The following MORC1 variants were observed in gnomAD, a reference collection of about 807,000 sequenced individuals.
The protein encoded by MORC1 is MORC family CW-type zinc finger protein 1.
In MORC1, 59 loss-of-function variants were observed where a neutral mutation model predicts 134.9. The observed-to-expected ratio is 0.44, with a 90% CI of 0.35 to 0.54. MORC1 has a LOEUF of 0.54. Ranked by LOEUF, MORC1 falls within the 20% of genes least tolerant of loss-of-function variation. The pLI, the probability that MORC1 is intolerant of heterozygous loss-of-function variation, is 0.00. For synonymous variants in MORC1, 395 were observed against 391.7 expected, an observed-to-expected ratio of 1.01 and a Z score of -0.10; for missense variants, 947 against 1,134.5, an observed-to-expected ratio of 0.83 and a Z score of 2.37.
chr3:109,059,967 A>G, intron 11 of MORC1, 97 bp from the exon 12 acceptor site: 1 of 918,906 alleles, frequency 1.1e-6, no homozygotes, highest in South Asian at 1.6e-5. Flanking sequence ...CAAGGGTAAC[A>G]ATAGCTCACA....
intron 17 of MORC1, among the ~76,000 whole-genome samples, chr3:109,020,600 A>T (rs1302667398): frequency 2.6e-5 from 4 of 152,072 alleles, no homozygotes; most frequent in African/African-American, 9.7e-5. Context: ...CCCCGTCTCT[A>T]CTAAAAATAC....
chr3:109,002,086 A>C lies in MORC1; in HGVS notation c.2086-1428T>G, dbSNP rs529429772. Among the ~76,000 whole-genome samples the C allele has an allele frequency of 7.2e-5, 11 of 152,218 alleles. 1 individual carries two copies. The East Asian group carries it at 2.1e-3, about 29-fold the overall frequency. On this transcript the variant is annotated intron_variant, in intron 20 of 27. Transcript: ENST00000232603. ...CATCACCATCATCCTAGCCTACACC[A>C]CTGTGATCTCTCCATCAGAGCATGG...
At chr3:109,004,697 A>G in intron 20 of MORC1, 120 bp downstream of exon 20, 2 of 934,490 alleles carry the variant, frequency 2.1e-6, no homozygotes, top group Non-Finnish European at 3.3e-6. Flanking sequence ...CAGGGTAACA[A>G]TATGTATGAT....
chr3:109,096,782 T>C (rs1483773887), intron 6 of MORC1, among the ~76,000 whole-genome samples: 1 of 152,172 alleles, frequency 6.6e-6, no homozygotes, highest in Non-Finnish European at 1.5e-5. Context: ...AATTCCTTCT[T>C]GCACAAGGTC....
At chr3:109,040,485 AAAGG>A (rs762563463) in intron 14 of MORC1, among the ~76,000 whole-genome samples, 2 of 114,526 alleles carry the variant, frequency 1.7e-5, no homozygotes, top group African/African-American at 6.2e-5. Context: ...AGAAAGAAAG[AAAGG>A]AAAGAAAAGA....
chr3:109,026,941 T>G (rs1949090087), intron 17 of MORC1, among the ~76,000 whole-genome samples: 1 of 152,230 alleles, frequency 6.6e-6, no homozygotes, highest in Admixed American at 6.5e-5. Flanking sequence ...CCTAGCAAGC[T>G]AAGTGAGGTA....
intron 21 of MORC1, among the ~76,000 whole-genome samples, chr3:108,993,157 A>T (rs115794961): frequency 8.0e-4 from 122 of 152,272 alleles, no homozygotes; most frequent in African/African-American, 2.8e-3. Flanking sequence ...ATACTACCTC[A>T]TGGTGTTGTA....
chr3:109,007,832 C>T (rs1340385785), intron 17 of MORC1, among the ~76,000 whole-genome samples: 1 of 152,190 alleles, frequency 6.6e-6, no homozygotes, highest in East Asian at 1.9e-4. Flanking sequence ...TTTACTACTT[C>T]ATTCTCCACT....
intron 12 of MORC1, among the ~76,000 whole-genome samples, chr3:109,058,826 A>C (rs1456463604): frequency 5.8e-4 from 2 of 3,440 alleles, no homozygotes; most frequent in East Asian, 0.5. Flanking sequence ...TTCTTCTATT[A>C]AAAAAAACCC....
At chr3:108,999,870 T>C (rs1005777890) in intron 21 of MORC1, among the ~76,000 whole-genome samples, 4 of 145,768 alleles carry the variant, frequency 2.7e-5, no homozygotes, top group African/African-American at 4.9e-5. Context: ...AAATTACTTT[T>C]AGTGAGTTTT....
chr3:108,971,972 C>T (rs1410452558), intron 24 of MORC1, among the ~76,000 whole-genome samples: 1 of 152,150 alleles, frequency 6.6e-6, no homozygotes, highest in African/African-American at 2.4e-5. Context: ...CTCAGCATTG[C>T]AAATTTCCTG....
intron 24 of MORC1, among the ~76,000 whole-genome samples, chr3:108,977,887 C>CT (rs979461564): frequency 1.3e-5 from 2 of 151,774 alleles, no homozygotes; most frequent in Non-Finnish European, 2.9e-5. Context: ...GGATAAGTGG[C>CT]TTTTTTTTGA....
Position 108,979,658 on chromosome 3 carries a change from A to C in MORC1, c.2334T>G (p.Asn778Lys). Residue 778 changes from asparagine (N) to lysine (K), a missense_variant, in exon 24 of 28, where the codon AAT (asparagine) becomes AAG (lysine). By Grantham distance (94) the Asn-to-Lys change is moderately conservative. Around this residue, in one of 3 missense-constraint regions of MORC1, gnomAD observed 722 missense variants for 817.0 expected, o/e 0.88. Coordinates refer to ENST00000232603, the MANE Select transcript of MORC1 (RefSeq NM_014429.4). ...SSLPSWKSLL[N>K]VPMEDVNLSS... ...TTAGATTCACATCTTCCATCGGCACATTGAGCAAGCTGAGGTTTGTCATTT... is the reference window on the plus strand; with the variant it reads ...TTAGATTCACATCTTCCATCGGCACCTTGAGCAAGCTGAGGTTTGTCATTT... The C allele has an allele frequency of 6.2e-7, 1 of 1,613,664 alleles. No individual in the cohort carries two copies. Among genetic ancestry groups the C allele is most frequent in the South Asian group, 1.1e-5 (1 of 90,882 alleles).
chr3:109,008,960 G>A (rs2107543918), intron 17 of MORC1, among the ~76,000 whole-genome samples: 1 of 152,152 alleles, frequency 6.6e-6, no homozygotes, highest in South Asian at 2.1e-4. Context: ...TATCACCCTT[G>A]ACTTTCCTTT....
intron 8 of MORC1, among the ~76,000 whole-genome samples, chr3:109,077,623 T>C (rs892265420): frequency 2.6e-5 from 4 of 152,022 alleles, no homozygotes; most frequent in Non-Finnish European, 4.4e-5. Flanking sequence ...CTTTTCCTTT[T>C]GGGAAAAAAA....
rs949815214 is a variant in MORC1 at position 109,038,679 on chromosome 3, A to G, written c.1331-3211T>C. Among the ~76,000 whole-genome samples, 8 of 152,220 alleles carry G rather than the reference A, an allele frequency of 5.3e-5. No individual in the cohort carries two copies. In the East Asian group the frequency reaches 1.5e-3, roughly 29 times the overall value. On this transcript the variant is annotated intron_variant, in intron 14 of 27. Coordinates refer to ENST00000232603, the MANE Select transcript of MORC1 (RefSeq NM_014429.4). ...ATGGCTAGCCAGTTTTCCCAGCACTATTTATTAAATAGGGAATCCTTTCCC... is the reference window on the plus strand; with the variant it reads ...ATGGCTAGCCAGTTTTCCCAGCACTGTTTATTAAATAGGGAATCCTTTCCC...
intron 8 of MORC1, among the ~76,000 whole-genome samples, chr3:109,074,907 T>C (rs1950388010): frequency 6.6e-6 from 1 of 152,214 alleles, no homozygotes; most frequent in African/African-American, 2.4e-5. Context: ...GATGATGTTA[T>C]AGCCTTATTT....
At chr3:108,996,284 G>GCACA (rs1367526527) in intron 21 of MORC1, among the ~76,000 whole-genome samples, 115 of 77,568 alleles carry the variant, frequency 1.5e-3, no homozygotes, top group African/African-American at 2.1e-3. Flanking sequence ...GTGCGCGCGC[G>GCACA]CGCACACACA....
intron 26 of MORC1, among the ~76,000 whole-genome samples, chr3:108,965,738 G>C (rs1312238213): frequency 2.6e-5 from 4 of 151,930 alleles, no homozygotes; most frequent in African/African-American, 9.7e-5. Flanking sequence ...GGGGAAACCG[G>C]GTGATGAGTA....
Sources: allele counts gnomAD v4.1 joint callset (sites outside exome capture counted in the v4.1 genomes callset), GRCh38; gene constraint gnomAD v4.1.1; regional missense constraint gnomAD v4.1.1; transcripts MANE v1.5; gene names NCBI Gene and HGNC (gene_info 2026-07-23, HGNC 2026-07-21).